The following NUCB2 variants were observed in gnomAD, a reference collection of about 807,000 sequenced individuals.
NUCB2 encodes nucleobindin 2, also known as nucleobindin-2.
Under a neutral mutation model 57.9 loss-of-function variants are expected in NUCB2, and 48 were observed. The ratio of observed to expected loss-of-function variants is 0.83; its 90% CI spans 0.66 to 1.05. The LOEUF is 1.05. Ranked by LOEUF, NUCB2 falls within the 50% of genes least tolerant of loss-of-function variation. The pLI is 0.00. For missense variants in NUCB2, 442 were observed against 476.2 expected (o/e 0.93, Z 0.67); for synonymous variants, 139 against 152.1 (o/e 0.91, Z 0.64).
At chr11:17,285,243 T>C (rs573768380) in intron 2 of NUCB2, among the ~76,000 whole-genome samples, 398 of 151,718 alleles carry the variant, frequency 2.6e-3, no homozygotes, top group Middle Eastern at 0.014. Flanking sequence ...CTGGCTAACA[T>C]GGTGAAACCC....
chr11:17,317,985 T>TG (rs1379386028), intron 11 of NUCB2, among the ~76,000 whole-genome samples: 1 of 150,050 alleles, frequency 6.7e-6, no homozygotes, highest in Non-Finnish European at 1.5e-5. Context: ...TTTTTTTTTT[T>TG]TTTTTTTTTT....
At chr11:17,298,175 T>C (rs1394559162) in intron 4 of NUCB2, among the ~76,000 whole-genome samples, 1 of 151,400 alleles carries the variant, frequency 6.6e-6, no homozygotes, top group Non-Finnish European at 1.5e-5. Flanking sequence ...TAGCCAGTAG[T>C]TTGAGACCAG....
rs561855664 is a variant in NUCB2 at position 17,310,741 on chromosome 11, G to A, written c.484-84G>A. 15 of 1,052,976 alleles carry A rather than the reference G, an allele frequency of 1.4e-5. No individual in the cohort carries two copies. In the East Asian group the frequency reaches 3.9e-4, roughly 27 times the overall value. 65.2% of individuals were successfully genotyped at this position (1,052,976 alleles called of 1,614,324 possible). A position where few individuals can be genotyped will look rare whatever the true frequency, so the allele number is the denominator to read the frequency against. On this transcript the variant is annotated intron_variant, in intron 6 of 13. Coordinates refer to ENST00000529010, the MANE Select transcript of NUCB2 (RefSeq NM_005013.4). ...GCCCTCCCGTACCACTTCTGTTCAA[G>A]AGTATGCTATATTCAAGAATGGCTT... is the stretch of plus-strand genomic sequence containing the variant.
chr11:17,346,912 T>A (rs1011376859), intron 2 of NUCB2, among the ~76,000 whole-genome samples: 2 of 152,154 alleles, frequency 1.3e-5, no homozygotes, highest in African/African-American at 4.8e-5. Flanking sequence ...TGAAAAAAAA[T>A]TAAATCATTG....
chr11:17,300,708 G>A (rs1946562011), intron 4 of NUCB2, among the ~76,000 whole-genome samples: 1 of 152,146 alleles, frequency 6.6e-6, no homozygotes, highest in African/African-American at 2.4e-5. Context: ...TTTTTGGCGA[G>A]TATGAATATG....
chr11:17,330,052 A>G lies in NUCB2; in HGVS notation c.1003-75A>G, dbSNP rs904911782. 4 of 827,276 alleles carry G rather than the reference A, an allele frequency of 4.8e-6. No individual in the cohort carries two copies. The African/African-American group carries it at 5.1e-5, about 10-fold the overall frequency. 51.2% of individuals were successfully genotyped at this position (827,276 alleles called of 1,614,324 possible). The stretch of plus-strand genomic sequence containing the variant: ...GATACTCTTTTATACTTTGCTAACC[A>G]TAGAATTTTAAAGCTAAATCAGACT... On this transcript the variant is annotated intron_variant, in intron 11 of 13. Coordinates refer to ENST00000529010, the MANE Select transcript of NUCB2 (RefSeq NM_005013.4). This position sits in a 1 kb window ranked among gnomAD's most constrained non-coding sequence, Gnocchi z 4.3.
chr11:17,292,614 G>C (rs1945126337), intron 2 of NUCB2, among the ~76,000 whole-genome samples: 2 of 152,126 alleles, frequency 1.3e-5, no homozygotes, highest in Non-Finnish European at 1.5e-5. Context: ...CCATACTTTT[G>C]AGAACCACTC....
intron 11 of NUCB2, among the ~76,000 whole-genome samples, chr11:17,328,728 C>G (rs950094283): frequency 3.9e-5 from 6 of 152,156 alleles, no homozygotes; most frequent in Admixed American, 2.6e-4. Context: ...AAGGCGAGTC[C>G]AGAAATGCTG....
chr11:17,296,332 C>A, intron 4 of NUCB2, 121 bp downstream of exon 4: 1 of 480,582 alleles, frequency 2.1e-6, no homozygotes, highest in Non-Finnish European at 3.6e-6. Context: ...ATCCTCCCAC[C>A]TCAGTCTCTC....
In NUCB2 at chr11:17,330,156, G is replaced by C; in HGVS notation, c.1032G>C (p.Glu344Asp). ...TAGATCAGCAACAGTTCTTCACAGA[G>C]GAAGAACTAAAAGAATATGAAAATA... Reference protein sequence around the residue: ...ETLDQQQFFTEEELKEYENII... With the variant: ...ETLDQQQFFTDEELKEYENII... Residue 344 changes from glutamate (E) to aspartate (D), a missense_variant, in exon 12 of 14, where the codon GAG becomes GAC. Transcript: ENST00000529010. This position sits in a 1 kb window ranked among gnomAD's most constrained non-coding sequence, Gnocchi z 4.3. The C allele has an allele frequency of 6.5e-7, 1 of 1,549,314 alleles. No individual in the cohort carries two copies. Among genetic ancestry groups the C allele is most frequent in the Non-Finnish European group, 8.8e-7 (1 of 1,130,574 alleles).
intron 2 of NUCB2, among the ~76,000 whole-genome samples, chr11:17,342,698 T>C (rs1321012925): frequency 1.1e-4 from 17 of 149,858 alleles, no homozygotes; most frequent in Admixed American, 7.4e-4. Flanking sequence ...TAATTTCTGT[T>C]CTTTTACATT....
chr11:17,299,059 C>T (rs1439309254), intron 4 of NUCB2, among the ~76,000 whole-genome samples: 1 of 152,322 alleles, frequency 6.6e-6, no homozygotes, highest in East Asian at 1.9e-4. Flanking sequence ...CTTCACTTCC[C>T]AAACATTCCC....
At chr11:17,339,015 CCTCA>C (rs1398326927) in intron 2 of NUCB2, among the ~76,000 whole-genome samples, 1 of 144,358 alleles carries the variant, frequency 6.9e-6, no homozygotes, top group Non-Finnish European at 1.5e-5. Context: ...TGAGATGGAG[CCTCA>C]CTCTGTTGCC....
intron 2 of NUCB2, chr11:17,291,169 A>G (rs1259134736): frequency 2.0e-5 from 3 of 152,150 alleles, no homozygotes; most frequent in East Asian, 3.8e-4. Context: ...ATTGAATCGT[A>G]TAATATGTGT....
intron 2 of NUCB2, among the ~76,000 whole-genome samples, chr11:17,348,362 T>A (rs1326904225): frequency 1.6e-5 from 2 of 123,390 alleles, no homozygotes; most frequent in East Asian, 5.1e-4. Context: ...GGAGACAGAG[T>A]CTCACTCTGT....
At chr11:17,297,032 A>G (rs1486696681) in intron 4 of NUCB2, among the ~76,000 whole-genome samples, 1 of 152,186 alleles carries the variant, frequency 6.6e-6, no homozygotes, top group African/African-American at 2.4e-5. Context: ...AGTACTCATA[A>G]TAAGAAAGGG....
At chr11:17,342,925 C>T (rs1952402751) in intron 2 of NUCB2, among the ~76,000 whole-genome samples, 1 of 152,030 alleles carries the variant, frequency 6.6e-6, no homozygotes, top group South Asian at 2.1e-4. Flanking sequence ...TTAAATTCTC[C>T]CATTATTATT....
chr11:17,285,551 T>TGG (rs1390734827), intron 2 of NUCB2, among the ~76,000 whole-genome samples: 2 of 145,750 alleles, frequency 1.4e-5, no homozygotes, highest in African/African-American at 2.6e-5. Context: ...CACTCCAGCC[T>TGG]GTGCAACAGA....
At chr11:17,340,531 G>A (rs1343131286) in intron 2 of NUCB2, among the ~76,000 whole-genome samples, 6 of 151,970 alleles carry the variant, frequency 3.9e-5, no homozygotes, top group Admixed American at 2.0e-4. Flanking sequence ...TTTGTATAAG[G>A]TGTAAGGAAG....
Sources: allele counts gnomAD v4.1 joint callset (sites outside exome capture counted in the v4.1 genomes callset), GRCh38; gene constraint gnomAD v4.1.1; non-coding constraint Gnocchi (gnomAD v3.1); transcripts MANE v1.5; gene names NCBI Gene and HGNC (gene_info 2026-07-23, HGNC 2026-07-21).